Variants in PDE11A observed in about 807,000 individuals in gnomAD.
PDE11A encodes the protein phosphodiesterase 11A.
In PDE11A, 100 loss-of-function variants were observed where a neutral mutation model predicts 100.5. The ratio of observed to expected loss-of-function variants is 1.00; its 90% CI spans 0.85 to 1.18. The LOEUF is 1.18. Among genes scored for constraint, PDE11A ranks in the 50% most tolerant of loss-of-function variants. The pLI is 0.00. For missense variants in PDE11A, 1,141 were observed against 1,152.6 expected (o/e 0.99, Z 0.15); for synonymous variants, 381 against 420.8 (o/e 0.91, Z 1.16).
chr2:177,952,208 TAAGAGAC>T (rs2085513376), intron 2 of PDE11A, among the ~76,000 whole-genome samples: 1 of 152,352 alleles, frequency 6.6e-6, no homozygotes, highest in East Asian at 1.9e-4. Context: ...ACTTTCCACC[TAAGAGAC>T]TCCTACTTAT....
chr2:177,631,616 C>CAT (rs1371807391), intron 19 of PDE11A, among the ~76,000 whole-genome samples: 52 of 101,100 alleles, frequency 5.1e-4, no homozygotes, highest in Non-Finnish European at 7.9e-4. Context: ...TATATATATA[C>CAT]ATATATGTGT....
Position 177,669,386 on chromosome 2 carries a change from C to A in PDE11A, c.2562+107G>T, listed in dbSNP as rs753441401. The A allele has an allele frequency of 2.5e-5, 18 of 732,986 alleles. No individual in the cohort carries two copies. In the South Asian group the frequency reaches 2.6e-4, roughly 11 times the overall value. The allele number at this position is 732,986 out of a possible 1,614,324, so 45.4% of individuals were successfully genotyped here. Reference sequence around the variant, plus strand: ...AGGTTTTAAACTTTCAGGAGTGCTTCCTTAAACCCATTTTCAGTCTTTCCC... The same window carrying A: ...AGGTTTTAAACTTTCAGGAGTGCTTACTTAAACCCATTTTCAGTCTTTCCC... On this transcript the variant is annotated intron_variant, in intron 18 of 19. Transcript: ENST00000286063.
chr2:177,801,236 A>G (rs1452792388), intron 9 of PDE11A, among the ~76,000 whole-genome samples: 4 of 152,180 alleles, frequency 2.6e-5, no homozygotes, highest in Admixed American at 2.6e-4. Flanking sequence ...TTTTATTAAA[A>G]CATCCTGCTT....
Position 178,034,159 on chromosome 2 carries a change from G to A in PDE11A, c.913-19699C>T, listed in dbSNP as rs570905902. ...GCTGTATTCAGGAGACCCATCTCAC[G>A]TGCAAAGACACATAGGGTCAAAAAA... On this transcript the variant is annotated intron_variant, in intron 1 of 19. Transcript: ENST00000286063. Among the ~76,000 whole-genome samples the A allele has an allele frequency of 5.3e-5, 8 of 152,130 alleles. No individual in the cohort carries two copies. The South Asian group carries it at 1.2e-3, about 24-fold the overall frequency.
chr2:177,765,725 A>T (rs2082230435), intron 10 of PDE11A, among the ~76,000 whole-genome samples: 1 of 152,186 alleles, frequency 6.6e-6, no homozygotes, highest in East Asian at 1.9e-4. Flanking sequence ...TGGGAGGCTG[A>T]GGTGAGGGAT....
chr2:177,660,097 T>TC (rs1559130764), intron 19 of PDE11A, among the ~76,000 whole-genome samples: 39 of 69,346 alleles, frequency 5.6e-4, no homozygotes, highest in African/African-American at 8.6e-4. Flanking sequence ...CTTTCTTTCT[T>TC]TCTCTCTCTC....
At chr2:178,107,734 T>G (rs1342073870) in intron 1 of PDE11A, among the ~76,000 whole-genome samples, 1 of 148,588 alleles carries the variant, frequency 6.7e-6, no homozygotes, top group East Asian at 1.9e-4. Context: ...TTTTTTTTTT[T>G]TTTTTGAGAC....
chr2:177,971,237 T>C (rs1209443754), intron 2 of PDE11A, among the ~76,000 whole-genome samples: 1 of 152,152 alleles, frequency 6.6e-6, no homozygotes, highest in African/African-American at 2.4e-5. Flanking sequence ...TTCATAACAA[T>C]ACAAAAATAG....
intron 1 of PDE11A, among the ~76,000 whole-genome samples, chr2:178,063,508 G>T (rs926966446): frequency 1.3e-5 from 2 of 152,210 alleles, no homozygotes; most frequent in Admixed American, 1.3e-4. Context: ...ACAGGGCAGA[G>T]CATGGCACAG....
chr2:177,927,177 C>T (rs912229023), intron 2 of PDE11A, among the ~76,000 whole-genome samples: 1 of 152,198 alleles, frequency 6.6e-6, no homozygotes, highest in African/African-American at 2.4e-5. Context: ...TAGCTCTCTT[C>T]CTTTCAATCA....
At chr2:177,730,645 G>A (rs714528) in intron 10 of PDE11A, among the ~76,000 whole-genome samples, 13,354 of 151,386 alleles carry the variant, frequency 0.088, 1,969 homozygotes, top group African/African-American at 0.3. Context: ...TTCTTTTGTC[G>A]TCTGGATATT....
intron 19 of PDE11A, among the ~76,000 whole-genome samples, chr2:177,631,512 AATAT>A (rs1180694998): frequency 0.039 from 421 of 10,766 alleles, 28 homozygotes; most frequent in African/African-American, 0.052. Flanking sequence ...AAAAAAAAAA[AATAT>A]ATATATATAT....
At chr2:178,019,509 C>T (rs2086380182) in intron 1 of PDE11A, among the ~76,000 whole-genome samples, 2 of 151,926 alleles carry the variant, frequency 1.3e-5, no homozygotes, top group African/African-American at 2.4e-5. Flanking sequence ...TATAATAAAA[C>T]ATATTCGACT....
intron 6 of PDE11A, among the ~76,000 whole-genome samples, chr2:177,825,426 G>C (rs1478113241): frequency 6.6e-6 from 1 of 152,196 alleles, no homozygotes; most frequent in Non-Finnish European, 1.5e-5. Flanking sequence ...GGCAGAGTGT[G>C]AGGAGAGTGA....
At chr2:177,653,698 G>A (rs969245133) in intron 19 of PDE11A, among the ~76,000 whole-genome samples, 2 of 152,326 alleles carry the variant, frequency 1.3e-5, no homozygotes, top group African/African-American at 4.8e-5. Flanking sequence ...CATCAGCAAC[G>A]AGGAGAGATG....
intron 6 of PDE11A, among the ~76,000 whole-genome samples, chr2:177,822,591 T>C (rs2083157576): frequency 1.3e-5 from 2 of 152,110 alleles, no homozygotes; most frequent in Non-Finnish European, 2.9e-5. Context: ...CATTTACATA[T>C]AAATTTTAGA....
In PDE11A at chr2:178,099,419, C is replaced by CAGAG. The variant is rs1220552387; in HGVS notation, c.162+4879_162+4882dup. 7.1e-5 allele frequency among the ~76,000 whole-genome samples: 9 copies of CAGAG among 126,274 alleles called. No homozygotes were observed. In the Admixed American group the frequency reaches 8.8e-4, roughly 12 times the overall value. The allele number at this position is 126,274 out of a possible 152,430, so 82.8% of individuals were successfully genotyped here. On this transcript the variant is annotated intron_variant, in intron 2 of 20. Transcript: ENST00000358450. ...CAACACTGTACTCCAGCCTGGGTGACAGAGTGAGTGAGACTCCATCTCAAG... is the reference window on the plus strand; with the variant it reads ...CAACACTGTACTCCAGCCTGGGTGACAGAGAGAGTGAGTGAGACTCCATCTCAAG...
intron 2 of PDE11A, among the ~76,000 whole-genome samples, chr2:178,091,792 T>C (rs1282848556): frequency 6.6e-6 from 1 of 152,188 alleles, no homozygotes; most frequent in African/African-American, 2.4e-5. Flanking sequence ...GGGGGCTCTT[T>C]CCACATTTAT....
At chr2:177,640,119 C>G (rs1464078556) in intron 19 of PDE11A, among the ~76,000 whole-genome samples, 1 of 152,180 alleles carries the variant, frequency 6.6e-6, no homozygotes, top group Non-Finnish European at 1.5e-5. Flanking sequence ...CTCTCACCCC[C>G]ACCTTACCCA....
Sources: allele counts gnomAD v4.1 joint callset (sites outside exome capture counted in the v4.1 genomes callset), GRCh38; gene constraint gnomAD v4.1.1; transcripts MANE v1.5; gene names NCBI Gene and HGNC (gene_info 2026-07-23, HGNC 2026-07-21).